Variants in TPD52L1 observed in about 807,000 individuals in gnomAD.
The protein encoded by TPD52L1 is tumor protein D53.
In TPD52L1, 18 loss-of-function variants were observed where a neutral mutation model predicts 28.7. That is an observed-to-expected ratio of 0.63 (90% CI 0.43 to 0.93). The LOEUF is 0.93. TPD52L1 is among the 40% of genes least tolerant of loss of function. The pLI, the probability that TPD52L1 is intolerant of heterozygous loss-of-function variation, is 0.00. For missense variants in TPD52L1, 203 were observed against 254.8 expected (o/e 0.80, Z 1.39); for synonymous variants, 75 against 88.8 (o/e 0.84, Z 0.88).
intron 4 of TPD52L1, 166 bp from the exon 5 acceptor site, chr6:125,253,551 C>T (rs1036858426): frequency 1.1e-5 from 7 of 630,270 alleles, no homozygotes; most frequent in Admixed American, 2.8e-5. Flanking sequence ...GCTGACTATA[C>T]CCATTATACC....
chr6:125,206,850 A>G (rs1439871830), intron 1 of TPD52L1, among the ~76,000 whole-genome samples: 2 of 152,138 alleles, frequency 1.3e-5, no homozygotes, highest in African/African-American at 4.8e-5. Flanking sequence ...CTAAGACTTC[A>G]GTAGTGTGAG....
intron 2 of TPD52L1, among the ~76,000 whole-genome samples, chr6:125,227,857 GC>G: frequency 6.6e-6 from 1 of 152,310 alleles, no homozygotes; most frequent in South Asian, 2.1e-4. Context: ...ATTTTATAGT[GC>G]TGAAGAGATC....
intron 1 of TPD52L1, among the ~76,000 whole-genome samples, chr6:125,190,760 C>T (rs989090138): frequency 1.3e-5 from 2 of 151,990 alleles, no homozygotes; most frequent in Admixed American, 6.6e-5. Context: ...CAATAGGGTT[C>T]GCACTCCTTT....
chr6:125,199,320 C>T (rs932755700), intron 1 of TPD52L1, among the ~76,000 whole-genome samples: 1 of 152,128 alleles, frequency 6.6e-6, no homozygotes, highest in African/African-American at 2.4e-5. Flanking sequence ...TTGATATTTG[C>T]ATATCATGTA....
At chr6:125,217,387 C>G (rs75849654) in intron 1 of TPD52L1, among the ~76,000 whole-genome samples, 7,656 of 152,104 alleles carry the variant, frequency 0.05, 365 homozygotes, top group African/African-American at 0.12. Flanking sequence ...ACTAGACGGT[C>G]CCATCTGGGG....
At chr6:125,261,032 G>GA (rs1798020002) in intron 6 of TPD52L1, 1 of 125,340 alleles carries the variant, frequency 8.0e-6, no homozygotes, top group African/African-American at 3.3e-5. Context: ...AGAAAAGAAA[G>GA]AAAGAAAGAA....
chr6:125,203,056 C>A (rs1417588780), intron 1 of TPD52L1, among the ~76,000 whole-genome samples: 1 of 152,086 alleles, frequency 6.6e-6, no homozygotes, highest in Non-Finnish European at 1.5e-5. Context: ...GGTTTGGCTT[C>A]CTTTTCCCAG....
chr6:125,208,211 T>A (rs1794277942), intron 1 of TPD52L1, among the ~76,000 whole-genome samples: 1 of 152,216 alleles, frequency 6.6e-6, no homozygotes, highest in South Asian at 2.1e-4. Context: ...GAGTCCCTCA[T>A]TAACTTCTCT....
chr6:125,180,963 CTGGTGT>C (rs144763235), intron 1 of TPD52L1, among the ~76,000 whole-genome samples: 1,664 of 152,086 alleles, frequency 0.011, 26 homozygotes, highest in African/African-American at 0.038. Flanking sequence ...ATGAAGGAGG[CTGGTGT>C]TGCTCTTGTG....
At chr6:125,172,719 A>C (rs78747408) in intron 1 of TPD52L1, among the ~76,000 whole-genome samples, 1 of 148,698 alleles carries the variant, frequency 6.7e-6, no homozygotes, top group African/African-American at 2.5e-5. Context: ...TGTAAGTTCT[A>C]CAGGCCCAAG....
intron 1 of TPD52L1, chr6:125,203,686 C>T (rs1301809267): frequency 2.0e-6 from 2 of 985,310 alleles, no homozygotes; most frequent in Non-Finnish European, 2.4e-6. Context: ...GGAATAAAAG[C>T]TTAGGGCTGA....
intron 1 of TPD52L1, among the ~76,000 whole-genome samples, chr6:125,200,775 A>G (rs9401809): frequency 0.23 from 35,741 of 152,194 alleles, 5,204 homozygotes; most frequent in Admixed American, 0.38. Flanking sequence ...TAGTCAATAC[A>G]TGTCAATCCA....
chr6:125,186,636 C>G (rs980728071), intron 1 of TPD52L1, among the ~76,000 whole-genome samples: 3 of 152,038 alleles, frequency 2.0e-5, no homozygotes, highest in Admixed American at 6.6e-5. Flanking sequence ...TAACTATAAG[C>G]GGAAGAAATT....
chr6:125,168,438 G>A (rs1197577303), intron 1 of TPD52L1, among the ~76,000 whole-genome samples: 1 of 151,804 alleles, frequency 6.6e-6, no homozygotes, highest in Non-Finnish European at 1.5e-5. Context: ...CCTCAAGGGG[G>A]ATCCTCTCTT....
intron 3 of TPD52L1, 95 bp downstream of exon 3, chr6:125,229,361 G>T: frequency 2.4e-6 from 3 of 1,269,436 alleles, no homozygotes; most frequent in African/African-American, 1.5e-5. Flanking sequence ...CTGATTTGGT[G>T]CATGAAGCTA....
At chr6:125,242,610 T>C (rs1583001357) in intron 3 of TPD52L1, among the ~76,000 whole-genome samples, 2 of 152,140 alleles carry the variant, frequency 1.3e-5, no homozygotes, top group Non-Finnish European at 2.9e-5. Flanking sequence ...GAATAGCTAC[T>C]CCTGCTCACT....
chr6:125,170,846 C>T (rs1051716666), intron 1 of TPD52L1, among the ~76,000 whole-genome samples: 5 of 152,232 alleles, frequency 3.3e-5, no homozygotes, highest in African/African-American at 9.6e-5. Context: ...GTGAGCAGCT[C>T]GTAGGCTCAC....
At chr6:125,193,373 G>A (rs972755201) in intron 1 of TPD52L1, among the ~76,000 whole-genome samples, 2 of 152,070 alleles carry the variant, frequency 1.3e-5, no homozygotes, top group African/African-American at 2.4e-5. Flanking sequence ...GTGGGGTGAG[G>A]TGTGTCCGTT....
Position 125,229,197 on chromosome 6 carries a change from G to A in TPD52L1, c.215G>A (p.Gly72Asp), listed in dbSNP as rs1431653535. Reference sequence around the variant, plus strand: ...CTAGTTGAGATAAAACAAAAACTCGGCATGAACCTGATGAATGAATTAAAA... The same window carrying A: ...CTAGTTGAGATAAAACAAAAACTCGACATGAACCTGATGAATGAATTAAAA... ...RHLVEIKQKL[G>D]MNLMNELKQN... The change falls in exon 3 of 7, where the codon GGC becomes GAC. Residue 72 changes from glycine (G) to aspartate (D), a missense_variant. Transcript: ENST00000534000. The A allele has an allele frequency of 6.2e-7, 1 of 1,613,620 alleles. No homozygotes were observed. Among genetic ancestry groups the A allele is most frequent in the Non-Finnish European group, 8.5e-7 (1 of 1,179,784 alleles).
Sources: gnomAD v4.1 joint callset for allele counts (sites outside exome capture counted in the v4.1 genomes callset) on GRCh38, gnomAD v4.1.1 for gene constraint, MANE v1.5 for transcripts, NCBI Gene and HGNC (gene_info 2026-07-23, HGNC 2026-07-21) for gene names.